The following CUEDC1 variants were observed in gnomAD, a reference collection of about 807,000 sequenced individuals.
CUEDC1 encodes the protein CUE domain-containing protein 1.
In CUEDC1, 30 loss-of-function variants were observed where a neutral mutation model predicts 43.7. That is an observed-to-expected ratio of 0.69 (90% CI 0.51 to 0.93). The LOEUF (loss-of-function observed/expected upper bound fraction) is 0.93. Ranked by LOEUF, CUEDC1 falls within the 40% of genes least tolerant of loss-of-function variation. The pLI is 0.00. For missense variants in CUEDC1, 486 were observed against 549.0 expected, an observed-to-expected ratio of 0.89 and a Z score of 1.15; for synonymous variants, 223 against 223.6, an observed-to-expected ratio of 1.00 and a Z score of 0.02.
intron 1 of CUEDC1, among the ~76,000 whole-genome samples, chr17:57,951,584 A>G (rs540630284): frequency 6.6e-6 from 1 of 151,946 alleles, no homozygotes; most frequent in Non-Finnish European, 1.5e-5. Context: ...TCAGCCTCCC[A>G]AGTAGCTGGG....
chr17:57,949,017 TA>T (rs1229775290), intron 1 of CUEDC1, among the ~76,000 whole-genome samples: 1 of 152,206 alleles, frequency 6.6e-6, no homozygotes, highest in Non-Finnish European at 1.5e-5. Context: ...GCAAGGGTGC[TA>T]CAGAATCCAG....
At chr17:57,904,733 T>C (rs1262646485) in intron 1 of CUEDC1, among the ~76,000 whole-genome samples, 1 of 152,040 alleles carries the variant, frequency 6.6e-6, no homozygotes, top group Non-Finnish European at 1.5e-5. Flanking sequence ...TAAATGGCCC[T>C]AGGGGCTAGG....
rs962490315 is a variant in CUEDC1 at position 57,861,979 on chromosome 17, G to C, written c.*1310C>G. ...TCCCCAAGCTCGGCGTTGCGAGTCC[G>C]GGCAGGGTGGGCGGGACGAGGTGCG... On this transcript the variant is annotated 3_prime_UTR_variant, in exon 11 of 11. Transcript: ENST00000577830. 6.6e-6 allele frequency: 1 copy of C among 152,220 alleles called. No homozygotes were observed. The highest frequency in any genetic ancestry group is 1.5e-5 in the Non-Finnish European group (1 of 68,032). 9.4% of individuals were successfully genotyped at this position (152,220 alleles called of 1,614,324 possible).
intron 2 of CUEDC1, among the ~76,000 whole-genome samples, chr17:57,884,192 CTTTTTTTTTTTTT>C (rs780667346): frequency 2.5e-5 from 2 of 81,360 alleles, no homozygotes; most frequent in African/African-American, 9.2e-5. Context: ...TTTTTCTTTT[CTTTTTTTTTTTTT>C]TTTTTTTTTT....
chr17:57,952,245 A>T (rs113820918), intron 1 of CUEDC1, among the ~76,000 whole-genome samples: 15,668 of 148,218 alleles, frequency 0.11, 1,016 homozygotes, highest in Non-Finnish European at 0.14. Flanking sequence ...TTTTTTTTGG[A>T]GACAAAGTTT....
rs1186932139 is a variant in CUEDC1 at position 57,930,287 on chromosome 17, G to C, written c.-316+24938C>G. ...TGCACAAGCAGACCAGAGCCAACGA[G>C]GCTGATGCTGTGAACTCCACCTGGC... On this transcript the variant is annotated intron_variant, in intron 1 of 10. Transcript: ENST00000577830. This position sits in a 1 kb window ranked among gnomAD's most constrained non-coding sequence, Gnocchi z 4.2. Among the ~76,000 whole-genome samples the C allele has an allele frequency of 6.6e-6, 1 of 152,226 alleles. No individual in the cohort carries two copies. Among genetic ancestry groups the C allele is most frequent in the Non-Finnish European group, 1.5e-5 (1 of 68,042 alleles).
At chr17:57,863,936 G>A (rs2073917649) in intron 10 of CUEDC1, among the ~76,000 whole-genome samples, 1 of 150,242 alleles carries the variant, frequency 6.7e-6, no homozygotes, top group Admixed American at 6.7e-5. Context: ...GAGAAGGGGA[G>A]GTTGCAGTGA....
rs1387781628 is a variant in CUEDC1 at position 57,887,994 on chromosome 17, AG to A, written c.-315-2116del. ...TGGCTCACCGCAACCTCCACCTTCC[AG>A]GTTCAAGCAAGTCTCCCATCTCAGC... On this transcript the variant is annotated intron_variant, in intron 1 of 10. Transcript: ENST00000577830. 2.1e-5 allele frequency among the ~76,000 whole-genome samples: 3 copies of A among 141,150 alleles called. No homozygotes were observed. In the East Asian group the frequency reaches 6.3e-4, roughly 30 times the overall value. The allele number at this position is 141,150 out of a possible 152,430, so 92.6% of individuals were successfully genotyped here. A position where few individuals can be genotyped will look rare whatever the true frequency, so the allele number is the denominator to read the frequency against.
chr17:57,862,174 G>GGGGCCACGGGCT lies in CUEDC1; in HGVS notation c.*1103_*1114dup, dbSNP rs2073889069. On this transcript the variant is annotated 3_prime_UTR_variant, in exon 11 of 11. Transcript: ENST00000577830. Reference sequence around the variant, plus strand: ...GTCTGCGCGCTCCCATGTCCAGGGCGGGGCCACGGGCTGGGCAGCCTCCCT... The same window carrying GGGGCCACGGGCT: ...GTCTGCGCGCTCCCATGTCCAGGGCGGGGCCACGGGCTGGGCCACGGGCTGGGCAGCCTCCCT... 1 of 152,342 alleles carries GGGGCCACGGGCT rather than the reference G, an allele frequency of 6.6e-6. No individual in the cohort carries two copies. Among genetic ancestry groups the GGGGCCACGGGCT allele is most frequent in the East Asian group, 1.9e-4 (1 of 5,186 alleles). The allele number at this position is 152,342 out of a possible 1,614,324, so 9.4% of individuals were successfully genotyped here.
chr17:57,882,742 C>T (rs2144958357), intron 2 of CUEDC1, among the ~76,000 whole-genome samples: 1 of 152,292 alleles, frequency 6.6e-6, no homozygotes, highest in African/African-American at 2.4e-5. Flanking sequence ...TCTACTTCCA[C>T]TTAATGAGTA....
intron 1 of CUEDC1, among the ~76,000 whole-genome samples, chr17:57,925,119 A>T (rs1407863508): frequency 1.2e-5 from 1 of 80,966 alleles, no homozygotes; most frequent in African/African-American, 3.3e-5. Context: ...TGTGCACATT[A>T]AAAAAAAAAA....
chr17:57,872,609 C>G (rs1568029178), intron 5 of CUEDC1, 54 bp downstream of exon 5: 1 of 1,596,664 alleles, frequency 6.3e-7, no homozygotes, highest in East Asian at 2.2e-5. Flanking sequence ...AAGGCTAAAG[C>G]CAGCATCACC....
intron 2 of CUEDC1, among the ~76,000 whole-genome samples, chr17:57,883,812 A>G (rs555708351): frequency 9.9e-5 from 15 of 152,280 alleles, no homozygotes; most frequent in African/African-American, 3.1e-4. Flanking sequence ...CTCAATAAAG[A>G]GTGGAGTTAA....
intron 1 of CUEDC1, among the ~76,000 whole-genome samples, chr17:57,953,471 C>G (rs2075027118): frequency 6.6e-6 from 1 of 152,200 alleles, no homozygotes; most frequent in Non-Finnish European, 1.5e-5. Flanking sequence ...CTCTTTGAAC[C>G]CTGGGATTAT....
chr17:57,892,599 G>A (rs1298569122), intron 1 of CUEDC1: 1 of 152,450 alleles, frequency 6.6e-6, no homozygotes, highest in African/African-American at 2.4e-5. Flanking sequence ...CCTGCAGAGG[G>A]ATTTGCTTCT....
intron 2 of CUEDC1, among the ~76,000 whole-genome samples, chr17:57,882,609 G>A (rs2144957961): frequency 6.6e-6 from 1 of 152,214 alleles, no homozygotes; most frequent in South Asian, 2.1e-4. Flanking sequence ...AACTGCGTGG[G>A]TCCACTTATA....
Position 57,862,185 on chromosome 17 carries a change from C to G in CUEDC1, c.*1104G>C, listed in dbSNP as rs376380462. The G allele has an allele frequency of 6.6e-6, 1 of 152,352 alleles. No individual in the cohort carries two copies. Among genetic ancestry groups the G allele is most frequent in the African/African-American group, 2.4e-5 (1 of 41,462 alleles). 9.4% of individuals were successfully genotyped at this position (152,352 alleles called of 1,614,324 possible). On this transcript the variant is annotated 3_prime_UTR_variant, in exon 11 of 11. Coordinates refer to ENST00000577830, the MANE Select transcript of CUEDC1 (RefSeq NM_001271875.2). Reference sequence around the variant, plus strand: ...CCCATGTCCAGGGCGGGGCCACGGGCTGGGCAGCCTCCCTCCCCGTGGCAG... The same window carrying G: ...CCCATGTCCAGGGCGGGGCCACGGGGTGGGCAGCCTCCCTCCCCGTGGCAG...
At chr17:57,885,177 G>C in intron 2 of CUEDC1, 52 bp downstream of exon 2, 1 of 1,499,336 alleles carries the variant, frequency 6.7e-7, no homozygotes. Flanking sequence ...CCTACCTCCG[G>C]GGGGATGCTG....
Position 57,900,204 on chromosome 17 carries a change from G to A in CUEDC1, c.-315-14325C>T, listed in dbSNP as rs149257674. ...GGGGTCCCATAACCAGCTTCCTTTC[G>A]CCTCCCGAGGGCCTCAATCTCTACT... On this transcript the variant is annotated intron_variant, in intron 1 of 10. Coordinates refer to ENST00000577830, the MANE Select transcript of CUEDC1 (RefSeq NM_001271875.2). Among the ~76,000 whole-genome samples the A allele has an allele frequency of 1.3e-3, 202 of 152,230 alleles. 1 individual carries two copies. Among genetic ancestry groups the A allele is most frequent in the Non-Finnish European group, 2.0e-3 (135 of 68,018 alleles).
Sources: gnomAD v4.1 joint callset for allele counts (sites outside exome capture counted in the v4.1 genomes callset) on GRCh38, gnomAD v4.1.1 for gene constraint, Gnocchi (gnomAD v3.1) non-coding constraint, MANE v1.5 for transcripts, NCBI Gene and HGNC (gene_info 2026-07-23, HGNC 2026-07-21) for gene names.